PI4KA: variants seen among roughly 807,000 people sequenced by gnomAD.
PI4KA encodes the protein PI4-kinase alpha.
A neutral mutation model predicts 271.4 loss-of-function variants in PI4KA; 122 were observed. The observed-to-expected ratio is 0.45, with a 90% CI of 0.39 to 0.52. PI4KA has a LOEUF of 0.52. PI4KA is among the 20% of genes least tolerant of loss of function. The probability of loss-of-function intolerance (pLI) is 0.00; values close to 1 mark genes in which losing one functional copy is unlikely to be tolerated. For synonymous variants in PI4KA, 1,041 were observed against 1,078.8 expected, an observed-to-expected ratio of 0.96 and a Z score of 0.69; for missense variants, 1,969 against 2,769.1, an observed-to-expected ratio of 0.71 and a Z score of 6.48.
At chr22:20,839,667 T>C (rs1925311787) in intron 1 of PI4KA, among the ~76,000 whole-genome samples, 1 of 152,116 alleles carries the variant, frequency 6.6e-6, no homozygotes, top group Admixed American at 6.6e-5. Context: ...CCGTCTCTAC[T>C]AGAAATACAA....
chr22:20,761,001 G>A (rs1350238091), intron 23 of PI4KA, among the ~76,000 whole-genome samples: 1 of 152,218 alleles, frequency 6.6e-6, no homozygotes, highest in Non-Finnish European at 1.5e-5. Context: ...TCTGGCAACA[G>A]CAAGTTGCTG....
intron 19 of PI4KA, among the ~76,000 whole-genome samples, chr22:20,768,699 G>C (rs1932750444): frequency 6.6e-6 from 1 of 152,184 alleles, no homozygotes. Context: ...AGAGCCGCCA[G>C]GGCACTGTGT....
chr22:20,778,844 G>C (rs564204613), intron 19 of PI4KA, among the ~76,000 whole-genome samples: 203 of 152,258 alleles, frequency 1.3e-3, no homozygotes, highest in Non-Finnish European at 1.9e-3. Context: ...GTACCCCCAT[G>C]TGCTCTGGCA....
chr22:20,747,829 G>T, intron 28 of PI4KA, 127 bp from the exon 29 acceptor site: 1 of 830,536 alleles, frequency 1.2e-6, no homozygotes, highest in Non-Finnish European at 1.9e-6. Flanking sequence ...CGACCTCTTA[G>T]ACTCAAGCCA....
At chr22:20,721,496 C>G in intron 42 of PI4KA, 78 bp from the exon 43 acceptor site, 1 of 1,510,164 alleles carries the variant, frequency 6.6e-7, no homozygotes, top group Non-Finnish European at 9.2e-7. Context: ...TGCTGACTCC[C>G]GGCATTTGGT....
Position 20,769,009 on chromosome 22 carries a change from T to C in PI4KA, c.2329-3316A>G, listed in dbSNP as rs554544903. Among the ~76,000 whole-genome samples, 5 of 152,216 alleles carry C rather than the reference T, an allele frequency of 3.3e-5. No homozygotes were observed. The East Asian group carries it at 9.6e-4, about 29-fold the overall frequency. The stretch of plus-strand genomic sequence containing the variant: ...GTGATGGTGGAGATATGAAGGGGTT[T>C]CCAGACTACAGAATTCAAGGCCTAT... On this transcript the variant is annotated intron_variant, in intron 19 of 54. Coordinates refer to ENST00000255882, the MANE Select transcript of PI4KA (RefSeq NM_058004.4).
At chr22:20,772,351 G>A (rs907796050) in intron 19 of PI4KA, among the ~76,000 whole-genome samples, 19 of 152,190 alleles carry the variant, frequency 1.2e-4, no homozygotes, top group Non-Finnish European at 2.2e-4. Context: ...TGCTGGGGCC[G>A]GGCTTTGCAT....
At chr22:20,765,438 C>A in intron 20 of PI4KA, 147 bp downstream of exon 20, 1 of 745,586 alleles carries the variant, frequency 1.3e-6, no homozygotes, top group Non-Finnish European at 2.3e-6. Flanking sequence ...CATCTGGGGA[C>A]AGTAACACTT....
In PI4KA at chr22:20,797,607, G is replaced by A. The variant is rs140110263; in HGVS notation, c.2108+977C>T. On this transcript the variant is annotated intron_variant, in intron 17 of 54. Coordinates refer to ENST00000255882, the MANE Select transcript of PI4KA (RefSeq NM_058004.4). ...AGCAAGAAGGCAATGAAGTAGTATC[G>A]ATGCGAGAGACAGCTCTATTGATTG... Among the ~76,000 whole-genome samples, 45 of 152,294 alleles carry A rather than the reference G, an allele frequency of 3.0e-4. No homozygotes were observed. In the East Asian group the frequency reaches 3.7e-3, roughly 12 times the overall value.
intron 11 of PI4KA, 49 bp downstream of exon 11, chr22:20,804,925 T>A: frequency 4.1e-6 from 6 of 1,469,966 alleles, no homozygotes; most frequent in Non-Finnish European, 5.6e-6. Flanking sequence ...CAAGAAAGCC[T>A]CTGGGTCATG....
intron 19 of PI4KA, among the ~76,000 whole-genome samples, chr22:20,790,343 T>C (rs1934548870): frequency 6.6e-6 from 1 of 152,016 alleles, no homozygotes; most frequent in African/African-American, 2.4e-5. Flanking sequence ...ATATACAAAA[T>C]AGAGTATATC....
chr22:20,808,256 C>T (rs1935779880), intron 9 of PI4KA, among the ~76,000 whole-genome samples: 1 of 147,748 alleles, frequency 6.8e-6, no homozygotes, highest in African/African-American at 2.5e-5. Context: ...CGCCATTGCA[C>T]TCCAGCCTGG....
chr22:20,826,303 A>ACTGCACTCCAAG (rs1923416208), intron 3 of PI4KA, among the ~76,000 whole-genome samples: 2 of 152,172 alleles, frequency 1.3e-5, no homozygotes, highest in South Asian at 4.1e-4. Flanking sequence ...AGATCGCACC[A>ACTGCACTCCAAG]CTGCACTCCA....
At chr22:20,746,223 C>T (rs1406680124) in intron 29 of PI4KA, among the ~76,000 whole-genome samples, 14 of 151,702 alleles carry the variant, frequency 9.2e-5, no homozygotes, top group African/African-American at 3.1e-4. Context: ...CCACCATGCC[C>T]GGCTAATTTT....
intron 36 of PI4KA, among the ~76,000 whole-genome samples, chr22:20,731,731 C>A (rs1366548524): frequency 6.6e-6 from 1 of 152,170 alleles, no homozygotes. Context: ...AAATCGAGAC[C>A]ATCCTGGCTA....
At position 20,780,775 on chromosome 22, in the gene PI4KA, C is replaced by CAAAAAAAAAAAAAAAAAAAAA. The variant is rs538327544; in HGVS notation, c.2328+12417_2328+12418insTTTTTTTTTTTTTTTTTTTTT. ...TGGACGACAGAGTGAGACTCCATCT[C>CAAAAAAAAAAAAAAAAAAAAA]AAAAAAAAAAAAAAAAGAAGTAAAA... On this transcript the variant is annotated intron_variant, in intron 19 of 54. Coordinates refer to ENST00000255882, the MANE Select transcript of PI4KA (RefSeq NM_058004.4). 6.5e-4 allele frequency among the ~76,000 whole-genome samples: 44 copies of CAAAAAAAAAAAAAAAAAAAAA among 67,596 alleles called. 1 individual carries two copies. Among genetic ancestry groups the CAAAAAAAAAAAAAAAAAAAAA allele is most frequent in the African/African-American group, 1.7e-3 (26 of 15,170 alleles). 44.3% of individuals were successfully genotyped at this position (67,596 alleles called of 152,430 possible).
At chr22:20,788,685 C>T (rs1439806920) in intron 19 of PI4KA, among the ~76,000 whole-genome samples, 1 of 152,194 alleles carries the variant, frequency 6.6e-6, no homozygotes, top group African/African-American at 2.4e-5. Context: ...TCCTGGTGAA[C>T]CCTGATGCTG....
At chr22:20,822,026 T>C (rs1922761648) in intron 4 of PI4KA, among the ~76,000 whole-genome samples, 1 of 152,130 alleles carries the variant, frequency 6.6e-6, no homozygotes, top group Admixed American at 6.5e-5. Context: ...GGTGCGTGCC[T>C]GTGGTCAGGA....
chr22:20,768,216 TACAA>T (rs1483581422), intron 19 of PI4KA, among the ~76,000 whole-genome samples: 1 of 151,946 alleles, frequency 6.6e-6, no homozygotes, highest in Non-Finnish European at 1.5e-5. Flanking sequence ...CTTTTTTTCA[TACAA>T]ACAGACACCT....
Sources: allele counts gnomAD v4.1 joint callset (sites outside exome capture counted in the v4.1 genomes callset), GRCh38; gene constraint gnomAD v4.1.1; transcripts MANE v1.5; gene names NCBI Gene and HGNC (gene_info 2026-07-23, HGNC 2026-07-21).